Variants in CFAP263 observed in about 807,000 individuals in gnomAD.
CFAP263 encodes the protein cilia and flagella associated protein 263.
chr16:58,279,853 T>A, the CFAP263 span: 1 of 1,171,774 alleles, frequency 8.5e-7, no homozygotes, highest in South Asian at 1.3e-5. Context: ...CACGGGCTCC[T>A]CTCACTGTTC....
At chr16:58,255,268 A>G in the CFAP263 span, among the ~76,000 whole-genome samples, 1 of 152,184 alleles carries the variant, frequency 6.6e-6, no homozygotes, top group African/African-American at 2.4e-5. Context: ...AGCAGAAGCA[A>G]TTGTCGGGCA....
the CFAP263 span, among the ~76,000 whole-genome samples, chr16:58,250,902 G>A: frequency 6.6e-6 from 1 of 152,128 alleles, no homozygotes; most frequent in Admixed American, 6.5e-5. Context: ...GTAAAGAATG[G>A]CCCGATAGTC....
At chr16:58,264,322 A>G in the CFAP263 span, among the ~76,000 whole-genome samples, 3 of 152,160 alleles carry the variant, frequency 2.0e-5, no homozygotes, top group African/African-American at 7.2e-5. Context: ...GGAAAAGCCA[A>G]GGGTTTTGGA....
At chr16:58,278,918 G>A in the CFAP263 span, among the ~76,000 whole-genome samples, 1 of 152,058 alleles carries the variant, frequency 6.6e-6, no homozygotes, top group Non-Finnish European at 1.5e-5. Context: ...AATTCTAGAA[G>A]TTTCTGAATC....
the CFAP263 span, among the ~76,000 whole-genome samples, chr16:58,271,784 C>A: frequency 3.3e-5 from 5 of 152,094 alleles, no homozygotes; most frequent in Admixed American, 6.5e-5. Flanking sequence ...TTGATGTGAA[C>A]CTTGATCACC....
chr16:58,266,075 A>G, the CFAP263 span, among the ~76,000 whole-genome samples: 1 of 152,162 alleles, frequency 6.6e-6, no homozygotes, highest in South Asian at 2.1e-4. Flanking sequence ...CATGCAGGAC[A>G]TGGAACAGGA....
chr16:58,280,721 G>A, the CFAP263 span: 2 of 1,610,134 alleles, frequency 1.2e-6, no homozygotes, highest in South Asian at 1.1e-5. Flanking sequence ...AGATCGAACT[G>A]CTGTAGCTGG....
chr16:58,279,690 G>T, the CFAP263 span: 813 of 1,558,640 alleles, frequency 5.2e-4, no homozygotes, highest in Non-Finnish European at 6.6e-4. Context: ...TTTTTTTGCA[G>T]ATGTCCTTAA....
the CFAP263 span, chr16:58,280,525 A>G: frequency 1.9e-6 from 3 of 1,614,034 alleles, no homozygotes; most frequent in East Asian, 2.2e-5. Flanking sequence ...CTTCTGTGTC[A>G]TGGTGGCATT....
At chr16:58,268,753 C>T in the CFAP263 span, among the ~76,000 whole-genome samples, 8 of 152,096 alleles carry the variant, frequency 5.3e-5, no homozygotes, top group East Asian at 1.9e-4. Context: ...GCAGAATTGC[C>T]ATGGTCCTTA....
At chr16:58,279,604 C>G in the CFAP263 span, 11 of 1,106,428 alleles carry the variant, frequency 9.9e-6, no homozygotes, top group Non-Finnish European at 1.4e-5. Context: ...GCTGCATTCT[C>G]AGTAGCCACA....
At chr16:58,250,099 C>G in the CFAP263 span, 8 of 1,584,344 alleles carry the variant, frequency 5.0e-6, no homozygotes, top group African/African-American at 1.1e-4. Context: ...GCTGTGCGGG[C>G]TGGTGGAGGA....
At chr16:58,279,920 A>G in the CFAP263 span, 1 of 677,882 alleles carries the variant, frequency 1.5e-6, no homozygotes, top group South Asian at 2.0e-5. Context: ...CTCCTGGGCC[A>G]CATCTGCCCA....
the CFAP263 span, among the ~76,000 whole-genome samples, chr16:58,251,810 TCTC>T: frequency 7.2e-6 from 1 of 139,560 alleles, no homozygotes. Flanking sequence ...CTGTTCTCTC[TCTC>T]ATATACATAT....
the CFAP263 span, among the ~76,000 whole-genome samples, chr16:58,250,800 A>T: frequency 2.0e-4 from 30 of 152,070 alleles, no homozygotes; most frequent in African/African-American, 7.0e-4. Context: ...TGATAAAACT[A>T]ACACGGCAGC....
At chr16:58,254,453 T>C in the CFAP263 span, among the ~76,000 whole-genome samples, 1 of 152,210 alleles carries the variant, frequency 6.6e-6, no homozygotes, top group African/African-American at 2.4e-5. Context: ...ATGGCCTCTT[T>C]TGGTTGATCA....
chr16:58,268,796 T>C, the CFAP263 span, among the ~76,000 whole-genome samples: 1 of 152,224 alleles, frequency 6.6e-6, no homozygotes, highest in Non-Finnish European at 1.5e-5. Context: ...AGTTATTAGA[T>C]TACAAGTAAA....
chr16:58,259,742 A>G, the CFAP263 span: 1 of 595,634 alleles, frequency 1.7e-6, no homozygotes, highest in African/African-American at 1.9e-5. Context: ...TAAGTGACAG[A>G]ATGTTAGGGC....
the CFAP263 span, chr16:58,254,154 C>A: frequency 1.2e-6 from 2 of 1,614,186 alleles, no homozygotes; most frequent in Non-Finnish European, 1.7e-6. Context: ...CCTGCAGCAT[C>A]ACGAGGTACA....
Sources: gnomAD v4.1 joint callset for allele counts (sites outside exome capture counted in the v4.1 genomes callset) on GRCh38, gnomAD v4.1.1 for gene constraint, MANE v1.5 for transcripts, NCBI Gene and HGNC (gene_info 2026-07-23, HGNC 2026-07-21) for gene names.